Variants in TMEM132D observed in about 807,000 individuals in gnomAD.
The protein encoded by TMEM132D is mature OL transmembrane protein.
Under a neutral mutation model 62.3 loss-of-function variants are expected in TMEM132D, and 21 were observed. That is an observed-to-expected ratio of 0.34 (90% CI 0.24 to 0.49). The LOEUF (loss-of-function observed/expected upper bound fraction) is 0.49, where lower values mean the gene tolerates loss of function less well. Ranked by LOEUF, TMEM132D falls within the 20% of genes least tolerant of loss-of-function variation. The pLI is 0.99. For synonymous variants in TMEM132D, 621 were observed against 575.6 expected (o/e 1.08, Z -1.13); for missense variants, 1,346 against 1,402.8 (o/e 0.96, Z 0.65).
chr12:129,097,145 G>A (rs1875141604), intron 5 of TMEM132D, among the ~76,000 whole-genome samples: 1 of 152,232 alleles, frequency 6.6e-6, no homozygotes, highest in African/African-American at 2.4e-5. Flanking sequence ...GCTGTAGGAG[G>A]CTATCCAGGG....
At chr12:129,658,183 T>C (rs1043556288) in intron 2 of TMEM132D, among the ~76,000 whole-genome samples, 5 of 152,204 alleles carry the variant, frequency 3.3e-5, no homozygotes, top group Admixed American at 1.3e-4. Context: ...ATAAACTTTC[T>C]AGGAAAAGAA....
chr12:129,755,746 GAGAAGGTAAAGC>G (rs1254783566), intron 1 of TMEM132D, among the ~76,000 whole-genome samples: 1 of 152,196 alleles, frequency 6.6e-6, no homozygotes, highest in African/African-American at 2.4e-5. Context: ...CTCTGTTTCA[GAGAAGGTAAAGC>G]AGATGAGGAA....
chr12:129,718,867 T>C (rs1593133486), intron 1 of TMEM132D, among the ~76,000 whole-genome samples: 1 of 152,270 alleles, frequency 6.6e-6, no homozygotes, highest in Non-Finnish European at 1.5e-5. Context: ...AGTTATTCCA[T>C]GTGATGCTCA....
At chr12:129,530,424 G>A (rs1876181909) in intron 3 of TMEM132D, among the ~76,000 whole-genome samples, 1 of 152,116 alleles carries the variant, frequency 6.6e-6, no homozygotes. Flanking sequence ...GAGATTTCAG[G>A]AAAGTGCAAT....
chr12:129,877,613 GCA>G (rs141592866), intron 1 of TMEM132D, among the ~76,000 whole-genome samples: 1 of 144,308 alleles, frequency 6.9e-6, no homozygotes, highest in Admixed American at 6.9e-5. Flanking sequence ...GCGCGCGCGC[GCA>G]CACACACACA....
At chr12:129,794,157 C>T (rs1182264942) in intron 1 of TMEM132D, among the ~76,000 whole-genome samples, 1 of 150,620 alleles carries the variant, frequency 6.6e-6, no homozygotes. Context: ...GGTGCAACCT[C>T]GGCTCACAGC....
chr12:129,120,971 G>T (rs952708290), intron 5 of TMEM132D, among the ~76,000 whole-genome samples: 2 of 152,108 alleles, frequency 1.3e-5, no homozygotes, highest in African/African-American at 4.8e-5. Context: ...GCTCCCCAAA[G>T]ATGCTCACAT....
chr12:129,504,266 A>G (rs1875262166), intron 3 of TMEM132D, among the ~76,000 whole-genome samples: 1 of 152,190 alleles, frequency 6.6e-6, no homozygotes, highest in African/African-American at 2.4e-5. Flanking sequence ...AAGTCTATCG[A>G]TTTAGGGAGG....
At chr12:129,105,588 C>T (rs1430820037) in intron 5 of TMEM132D, among the ~76,000 whole-genome samples, 4 of 149,594 alleles carry the variant, frequency 2.7e-5, no homozygotes, top group Non-Finnish European at 4.4e-5. Flanking sequence ...CAAACAACCC[C>T]ATCAAAAAGT....
chr12:129,213,725 A>G (rs1350744221), intron 4 of TMEM132D, among the ~76,000 whole-genome samples: 1 of 152,042 alleles, frequency 6.6e-6, no homozygotes, highest in Non-Finnish European at 1.5e-5. Context: ...CAATGCTGAG[A>G]ACTCCATCAC....
chr12:129,513,804 T>TTTTTTTTATTTA (rs1555262101), intron 3 of TMEM132D, among the ~76,000 whole-genome samples: 2 of 133,992 alleles, frequency 1.5e-5, no homozygotes, highest in Non-Finnish European at 3.2e-5. Flanking sequence ...CAATTTTTAT[T>TTTTTTTTATTTA]TTTATTTATT....
At chr12:129,584,683 C>G (rs927772171) in intron 2 of TMEM132D, among the ~76,000 whole-genome samples, 1 of 152,230 alleles carries the variant, frequency 6.6e-6, no homozygotes, top group African/African-American at 2.4e-5. Flanking sequence ...CTAGACTAGG[C>G]TCCACAGGGC....
At chr12:129,531,433 A>G (rs1263267029) in intron 2 of TMEM132D, among the ~76,000 whole-genome samples, 1 of 152,204 alleles carries the variant, frequency 6.6e-6, no homozygotes, top group Non-Finnish European at 1.5e-5. Flanking sequence ...ACTGACAGCC[A>G]GCAAACATTA....
chr12:129,672,718 A>T (rs1010944134), intron 2 of TMEM132D, among the ~76,000 whole-genome samples: 2 of 152,180 alleles, frequency 1.3e-5, no homozygotes, highest in Non-Finnish European at 2.9e-5. Flanking sequence ...TGTATATATA[A>T]ATATTTTGGT....
intron 1 of TMEM132D, among the ~76,000 whole-genome samples, chr12:129,819,107 T>C (rs138621458): frequency 6.1e-4 from 93 of 152,126 alleles, no homozygotes; most frequent in African/African-American, 2.1e-3. Flanking sequence ...ACAACTGCTG[T>C]CTTGCGGGAG....
chr12:129,900,155 C>G (rs549649639), intron 1 of TMEM132D, among the ~76,000 whole-genome samples: 9 of 152,204 alleles, frequency 5.9e-5, no homozygotes, highest in Non-Finnish European at 1.2e-4. Flanking sequence ...CTAAGATTCT[C>G]TGATCCCTTG....
At chr12:129,639,468 A>G (rs1393338302) in intron 2 of TMEM132D, among the ~76,000 whole-genome samples, 1 of 151,306 alleles carries the variant, frequency 6.6e-6, no homozygotes, top group African/African-American at 2.4e-5. Context: ...TCTTTACTCC[A>G]AGGGCTTTAA....
intron 4 of TMEM132D, among the ~76,000 whole-genome samples, chr12:129,278,706 A>T (rs1358611749): frequency 2.0e-5 from 3 of 152,206 alleles, no homozygotes; most frequent in Admixed American, 6.5e-5. Context: ...TTTAAAAGGG[A>T]CCAAGCTTCC....
chr12:129,474,383 A>T (rs1874198053), intron 3 of TMEM132D, among the ~76,000 whole-genome samples: 1 of 152,190 alleles, frequency 6.6e-6, no homozygotes. Context: ...GGGTGAAGTC[A>T]TTGTAATGAT....
Sources: gnomAD v4.1 joint callset for allele counts (sites outside exome capture counted in the v4.1 genomes callset) on GRCh38, gnomAD v4.1.1 for gene constraint, MANE v1.5 for transcripts, NCBI Gene and HGNC (gene_info 2026-07-23, HGNC 2026-07-21) for gene names.